C4orf50: variants seen among roughly 807,000 people sequenced by gnomAD.
C4orf50 encodes uncharacterized protein C4orf50.
In C4orf50, 80 loss-of-function variants were observed where a neutral mutation model predicts 77.2. That is an observed-to-expected ratio of 1.04 (90% confidence interval 0.87 to 1.25). The LOEUF (loss-of-function observed/expected upper bound fraction) is 1.25. Among genes scored for constraint, C4orf50 ranks in the 50% most tolerant of loss-of-function variants. C4orf50 has a pLI of 0.00. For missense variants in C4orf50, 1,257 were observed against 1,152.9 expected, an observed-to-expected ratio of 1.09 and a Z score of -1.31; for synonymous variants, 532 against 465.3, an observed-to-expected ratio of 1.14 and a Z score of -1.84.
At chr4:5,950,846 C>T (rs757138430) in intron 7 of C4orf50, among the ~76,000 whole-genome samples, 4 of 152,094 alleles carry the variant, frequency 2.6e-5, no homozygotes, top group Non-Finnish European at 5.9e-5. Flanking sequence ...ACATAGGAGA[C>T]GATCAGTAAG....
intron 7 of C4orf50, among the ~76,000 whole-genome samples, chr4:5,907,155 A>G (rs1716586573): frequency 6.6e-6 from 1 of 152,222 alleles, no homozygotes; most frequent in Non-Finnish European, 1.5e-5. Flanking sequence ...AGCTTGTAGT[A>G]ACTGTCACTA....
chr4:5,923,576 G>A (rs780429699), intron 7 of C4orf50, among the ~76,000 whole-genome samples: 2 of 151,984 alleles, frequency 1.3e-5, no homozygotes, highest in African/African-American at 2.4e-5. Flanking sequence ...GCTGGGCGAG[G>A]GATCGGGGGT....
chr4:5,931,559 C>T (rs1427024783), intron 7 of C4orf50, among the ~76,000 whole-genome samples: 1 of 152,190 alleles, frequency 6.6e-6, no homozygotes, highest in African/African-American at 2.4e-5. Flanking sequence ...GAAACCTGCC[C>T]TCTGCCCTTC....
intron 7 of C4orf50, among the ~76,000 whole-genome samples, chr4:5,933,733 C>A (rs1717871110): frequency 6.6e-6 from 1 of 152,162 alleles, no homozygotes; most frequent in African/African-American, 2.4e-5. Flanking sequence ...CTAGGCATAG[C>A]AAGGTCCCCT....
intron 28 of C4orf50, 129 bp from the exon 7 acceptor site, chr4:5,980,467 T>A (rs935113163): frequency 1.3e-6 from 1 of 788,532 alleles, no homozygotes; most frequent in African/African-American, 1.8e-5. Flanking sequence ...CCTGCTTATA[T>A]TTCTCTTACA....
intron 7 of C4orf50, among the ~76,000 whole-genome samples, chr4:5,949,325 G>A (rs1718623840): frequency 1.3e-5 from 2 of 152,224 alleles, no homozygotes; most frequent in South Asian, 2.1e-4. Flanking sequence ...CAAACAAGAT[G>A]TGCTTCTTCC....
intron 25 of C4orf50, among the ~76,000 whole-genome samples, chr4:6,006,356 G>C (rs1722253397): frequency 1.3e-5 from 2 of 152,234 alleles, no homozygotes; most frequent in Admixed American, 1.3e-4. Flanking sequence ...GAGGCAGGCT[G>C]TAGATGTTTT....
Position 5,980,163 on chromosome 4 carries a change from A to G in C4orf50, c.3864+11T>C, listed in dbSNP as rs1720496891. Reference sequence around the variant, plus strand: ...TGGCTGACAAGAGGGGAAAGAAAGCACTTCCCACACCTTGGCCTGGAGCTC... The same window carrying G: ...TGGCTGACAAGAGGGGAAAGAAAGCGCTTCCCACACCTTGGCCTGGAGCTC... On this transcript the variant is annotated intron_variant, in intron 29 of 33. Coordinates refer to ENST00000531445, the Ensembl canonical transcript of C4orf50. The G allele has an allele frequency of 6.4e-7, 1 of 1,561,146 alleles. No individual in the cohort carries two copies.
intron 29 of C4orf50, among the ~76,000 whole-genome samples, chr4:5,979,742 G>T (rs1424654072): frequency 6.6e-6 from 1 of 152,316 alleles, no homozygotes; most frequent in Admixed American, 6.5e-5. Flanking sequence ...TCACAACCAG[G>T]AATTGAAATG....
At chr4:5,925,114 T>C (rs1314844312) in intron 7 of C4orf50, among the ~76,000 whole-genome samples, 1 of 151,614 alleles carries the variant, frequency 6.6e-6, no homozygotes, top group Non-Finnish European at 1.5e-5. Flanking sequence ...CTGGGCCACT[T>C]GGGTTGGGAG....
intron 7 of C4orf50, among the ~76,000 whole-genome samples, chr4:5,940,265 T>C (rs1047886223): frequency 5.3e-5 from 8 of 152,238 alleles, no homozygotes; most frequent in Admixed American, 6.5e-5. Context: ...CCTTTCCAAA[T>C]GTATGAACCT....
chr4:5,943,569 G>T (rs1455290300), intron 7 of C4orf50, among the ~76,000 whole-genome samples: 1 of 152,178 alleles, frequency 6.6e-6, no homozygotes, highest in African/African-American at 2.4e-5. Context: ...TCTGCAAAAT[G>T]GGTATCCTCT....
chr4:5,954,308 G>A (rs1234290429), downstream of C4orf50, among the ~76,000 whole-genome samples: 5 of 152,102 alleles, frequency 3.3e-5, no homozygotes, highest in Admixed American at 6.5e-5. The surrounding 1 kb of genome is among the most constrained non-coding windows in gnomAD (Gnocchi z 4.7). Context: ...ACCCAGCCCC[G>A]GGGCTGGGCA....
At chr4:5,988,800 G>A (rs1451263896) in exon 28 of C4orf50, 2 of 1,536,080 alleles carry the variant, frequency 1.3e-6, no homozygotes, top group Non-Finnish European at 1.7e-6. Context: ...TTAAGGCCCG[G>A]ATCATGTCTT....
chr4:5,943,672 G>C (rs1352555327), intron 7 of C4orf50, among the ~76,000 whole-genome samples: 2 of 152,218 alleles, frequency 1.3e-5, no homozygotes, highest in African/African-American at 4.8e-5. Context: ...CTGAGAGGCA[G>C]GAAGTACTTT....
At chr4:5,989,698 G>T (rs1242969618) in exon 28 of C4orf50, 7 of 1,536,118 alleles carry the variant, frequency 4.6e-6, no homozygotes, top group Non-Finnish European at 6.1e-6. Context: ...ATGATCAGTG[G>T]GTTCGGCCCC....
Position 5,913,675 on chromosome 4 carries a change from C to T in C4orf50, c.*2475-15487G>A, listed in dbSNP as rs115570106. 8.2e-3 allele frequency among the ~76,000 whole-genome samples: 1,246 copies of T among 152,242 alleles called. 6 individuals carry two copies. Among genetic ancestry groups the T allele is most frequent in the Non-Finnish European group, 0.013 (902 of 68,030 alleles). On this transcript the variant is annotated intron_variant, in intron 7 of 7. Coordinates refer to the C4orf50 transcript ENST00000324058. ...CTTTGAATCTCATTACACTAGGGCT[C>T]CTGGGTGTATTGATCCTATTTAGAA...
intron 7 of C4orf50, among the ~76,000 whole-genome samples, chr4:5,924,627 C>T (rs998831112): frequency 1.4e-4 from 21 of 152,182 alleles, no homozygotes; most frequent in African/African-American, 4.6e-4. Context: ...CCTGGAGCAG[C>T]AGCCCAGGTC....
chr4:5,915,535 G>A (rs6828366), intron 7 of C4orf50, among the ~76,000 whole-genome samples: 12 of 152,154 alleles, frequency 7.9e-5, no homozygotes, highest in African/African-American at 2.9e-4. Flanking sequence ...TTTTCCTTTC[G>A]TCTTGGGACA....
Sources: allele counts gnomAD v4.1 joint callset (sites outside exome capture counted in the v4.1 genomes callset), GRCh38; gene constraint gnomAD v4.1.1; non-coding constraint Gnocchi (gnomAD v3.1); transcripts MANE v1.5; gene names NCBI Gene and HGNC (gene_info 2026-07-23, HGNC 2026-07-21).